RAD50: variants seen among roughly 807,000 people sequenced by gnomAD.
RAD50 encodes DNA repair protein RAD50.
Under a neutral mutation model 168.8 loss-of-function variants are expected in RAD50, and 132 were observed. That is an observed-to-expected ratio of 0.78 (90% CI 0.68 to 0.90). RAD50 has a LOEUF of 0.90. Ranked by LOEUF, RAD50 falls within the 40% of genes least tolerant of loss-of-function variation. RAD50 has a pLI of 0.00. For missense variants in RAD50, 1,347 were observed against 1,534.4 expected, an observed-to-expected ratio of 0.88 and a Z score of 2.04; for synonymous variants, 525 against 497.4, an observed-to-expected ratio of 1.06 and a Z score of -0.74.
intron 1 of RAD50, among the ~76,000 whole-genome samples, chr5:132,558,500 C>A (rs1039559114): frequency 2.1e-4 from 32 of 151,814 alleles, no homozygotes; most frequent in Non-Finnish European, 4.4e-5. Flanking sequence ...CACCTGAGGT[C>A]AGGAGTTCGA....
chr5:132,642,352 C>A lies in RAD50; in HGVS notation c.3927C>A (p.Phe1309Leu). 6.2e-7 allele frequency: 1 copy of A among 1,613,236 alleles called. No homozygotes were observed. ...IVKCSVSSLG[F>L]NVH ...AATGCAGTGTTAGCTCCCTGGGATT[C>A]AATGTTCATTAAAAATATCCAAGAT... Residue 1309 changes from phenylalanine (F) to leucine (L), a missense_variant, in exon 25 of 25, where the codon TTC becomes TTA. Coordinates refer to ENST00000378823, the MANE Select transcript of RAD50 (RefSeq NM_005732.4).
chr5:132,595,294 A>G (rs749740664), intron 12 of RAD50: 7 of 575,364 alleles, frequency 1.2e-5, no homozygotes, highest in Non-Finnish European at 2.1e-5. Flanking sequence ...GATTGTAATT[A>G]TAAAGCCCTT....
chr5:132,580,751 G>A (rs1490190424), intron 5 of RAD50, among the ~76,000 whole-genome samples: 2 of 151,886 alleles, frequency 1.3e-5, no homozygotes, highest in Admixed American at 6.6e-5. Flanking sequence ...TTTGTACCAG[G>A]GTATACTGTG....
chr5:132,558,611 C>G (rs1485357517), intron 1 of RAD50, among the ~76,000 whole-genome samples: 1 of 150,316 alleles, frequency 6.7e-6, no homozygotes, highest in Admixed American at 6.7e-5. Flanking sequence ...CTGGGGAGGC[C>G]GAGGCGGGAG....
At chr5:132,607,599 C>G (rs560189294) in intron 16 of RAD50, among the ~76,000 whole-genome samples, 2 of 152,196 alleles carry the variant, frequency 1.3e-5, no homozygotes, top group Middle Eastern at 3.4e-3. Flanking sequence ...ATAGTACTTG[C>G]ATCTGTATAA....
chr5:132,614,390 G>C (rs1439540876), intron 19 of RAD50, among the ~76,000 whole-genome samples: 1 of 151,992 alleles, frequency 6.6e-6, no homozygotes, highest in Non-Finnish European at 1.5e-5. Context: ...TAGCAACAAA[G>C]GACATTTATA....
Position 132,579,853 on chromosome 5 carries a change from T to A in RAD50, c.552-9T>A. 1 of 1,602,496 alleles carries A rather than the reference T, an allele frequency of 6.2e-7. No homozygotes were observed. Among genetic ancestry groups the A allele is most frequent in the Non-Finnish European group, 8.5e-7 (1 of 1,169,810 alleles). On this transcript the variant is annotated splice_polypyrimidine_tract_variant and intron_variant, in intron 4 of 24. Coordinates refer to ENST00000378823, the MANE Select transcript of RAD50 (RefSeq NM_005732.4). Reference sequence around the variant, plus strand: ...CCAGAAATTTGATTTTTGTTTCATATCTTCAAAGATACATTAAAGCCTTAG... The same window carrying A: ...CCAGAAATTTGATTTTTGTTTCATAACTTCAAAGATACATTAAAGCCTTAG...
At chr5:132,623,283 A>G (rs1178730731) in intron 21 of RAD50, among the ~76,000 whole-genome samples, 1 of 152,200 alleles carries the variant, frequency 6.6e-6, no homozygotes, top group Non-Finnish European at 1.5e-5. Context: ...GTTCAAGACC[A>G]GCCTGGCCAA....
intron 3 of RAD50, among the ~76,000 whole-genome samples, chr5:132,578,524 C>CTTTTTTTTTTTTTTTTTTTTTTTTTTT (rs903882684): frequency 2.4e-5 from 2 of 84,342 alleles, no homozygotes; most frequent in Non-Finnish European, 2.3e-5. Flanking sequence ...TTTTTTCTTT[C>CTTTTTTTTTTTTTTTTTTTTTTTTTTT]TTTTTTTTTT....
rs34713748 is a variant in RAD50 at position 132,596,003 on chromosome 5, C to CT, written c.2207+203dup. The stretch of plus-strand genomic sequence containing the variant: ...TTGTTTCCTGTCTTTTTTTCTTTTT[C>CT]TTTTTTTTTTCTGAGACAGAGTCTC... On this transcript the variant is annotated intron_variant, in intron 13 of 24. Coordinates refer to ENST00000378823, the MANE Select transcript of RAD50 (RefSeq NM_005732.4). Among the ~76,000 whole-genome samples, 1,199 of 148,598 alleles carry CT rather than the reference C, an allele frequency of 8.1e-3. 17 individuals are homozygous for CT. The highest frequency in any genetic ancestry group is 0.027 in the African/African-American group (1,085 of 40,540).
At chr5:132,610,922 G>A (rs1403674038) in intron 19 of RAD50, among the ~76,000 whole-genome samples, 5 of 152,068 alleles carry the variant, frequency 3.3e-5, no homozygotes, top group African/African-American at 9.7e-5. Flanking sequence ...AACCTTCCTT[G>A]TTCCAGAAAT....
intron 21 of RAD50, among the ~76,000 whole-genome samples, chr5:132,632,186 T>C (rs1751486900): frequency 6.6e-6 from 1 of 152,236 alleles, no homozygotes. Flanking sequence ...ACATATGTGA[T>C]TTTTTTCCTA....
chr5:132,591,286 A>G lies in RAD50; in HGVS notation c.1515A>G (p.Ile505Met), dbSNP rs1332961005. 6.2e-7 allele frequency: 1 copy of G among 1,613,000 alleles called. No individual in the cohort carries two copies. Among genetic ancestry groups the G allele is most frequent in the Admixed American group, 1.7e-5 (1 of 60,008 alleles). The change falls in exon 10 of 25, where the codon ATA (isoleucine) becomes ATG (methionine). Residue 505 changes from isoleucine (I) to methionine (M), a missense_variant. Coordinates refer to ENST00000378823, the MANE Select transcript of RAD50 (RefSeq NM_005732.4). ...SNVETLKMEV[I>M]SLQNEKADLD... Reference sequence around the variant, plus strand: ...TAGAAACCTTAAAAATGGAAGTAATAAGTCTCCAAAATGAAAAAGCAGACT... The same window carrying G: ...TAGAAACCTTAAAAATGGAAGTAATGAGTCTCCAAAATGAAAAAGCAGACT...
At chr5:132,627,182 TA>T (rs1195756427) in intron 21 of RAD50, among the ~76,000 whole-genome samples, 1 of 152,164 alleles carries the variant, frequency 6.6e-6, no homozygotes, top group Non-Finnish European at 1.5e-5. Context: ...TTATAACCGT[TA>T]AAAAACTAGT....
intron 16 of RAD50, 137 bp downstream of exon 16, chr5:132,605,136 C>G (rs368629903): frequency 1.7e-5 from 10 of 576,464 alleles, no homozygotes; most frequent in East Asian, 1.1e-4. Flanking sequence ...CCTCCATCTC[C>G]TGGGTTCAAG....
chr5:132,560,715 A>T (rs940492016), intron 2 of RAD50, among the ~76,000 whole-genome samples: 4 of 152,064 alleles, frequency 2.6e-5, no homozygotes, highest in African/African-American at 2.4e-5. Context: ...CCACCCAAGG[A>T]TTTTGCCCTT....
rs34112186 is a variant in RAD50, at chr5:132,611,705, T to TAA, written c.3036+2332_3036+2333dup. Among the ~76,000 whole-genome samples, 385 of 102,952 alleles carry TAA rather than the reference T, an allele frequency of 3.7e-3. 3 individuals are homozygous for TAA. Among genetic ancestry groups the TAA allele is most frequent in the African/African-American group, 0.013 (361 of 27,474 alleles). 67.5% of individuals were successfully genotyped at this position (102,952 alleles called of 152,430 possible). On this transcript the variant is annotated intron_variant, in intron 19 of 24. Transcript: ENST00000378823. ...TGGGTGACAGAGCCAGACTCCGTCT[T>TAA]AAAAAAAAAAAAAAAAAAAAAAAAG...
chr5:132,592,966 G>T, intron 11 of RAD50: 1 of 447,178 alleles, frequency 2.2e-6, no homozygotes, highest in Non-Finnish European at 4.7e-6. Flanking sequence ...ATCAATTGAG[G>T]TGTCTATGGT....
At chr5:132,621,419 T>C (rs1339057795) in intron 21 of RAD50, among the ~76,000 whole-genome samples, 1 of 152,252 alleles carries the variant, frequency 6.6e-6, no homozygotes, top group East Asian at 1.9e-4. Flanking sequence ...TTTTAAATCA[T>C]CACAAATGAG....
Sources: gnomAD v4.1 joint callset for allele counts (sites outside exome capture counted in the v4.1 genomes callset) on GRCh38, gnomAD v4.1.1 for gene constraint, MANE v1.5 for transcripts, NCBI Gene and HGNC (gene_info 2026-07-23, HGNC 2026-07-21) for gene names.